The following ATP8A2 variants were observed in gnomAD, a reference collection of about 807,000 sequenced individuals.
The protein encoded by ATP8A2 is ATPase phospholipid transporting 8A2.
In ATP8A2, 100 loss-of-function variants were observed where a neutral mutation model predicts 165.6. The observed-to-expected ratio is 0.60, with a 90% confidence interval of 0.51 to 0.71. ATP8A2 has a LOEUF of 0.71. Ranked by LOEUF, ATP8A2 falls within the 30% of genes least tolerant of loss-of-function variation. The pLI is 0.00. For synonymous variants in ATP8A2, 543 were observed against 548.8 expected (o/e 0.99, Z 0.15); for missense variants, 1,227 against 1,479.5 (o/e 0.83, Z 2.80).
At chr13:25,741,243 G>C (rs2043904206) in intron 25 of ATP8A2, among the ~76,000 whole-genome samples, 1 of 152,200 alleles carries the variant, frequency 6.6e-6, no homozygotes, top group African/African-American at 2.4e-5. Context: ...TAAGTTGGAA[G>C]TCAGATTGTT....
Position 25,468,898 on chromosome 13 carries a change from C to G in ATP8A2, c.77-79C>G, listed in dbSNP as rs539394433. ...CCTTCCCCGCCGGTGGCCGCCCGCC[C>G]GCGGCCCGCGCTCGCAGCCTCCCGC... On this transcript the variant is annotated intron_variant, in intron 1 of 36. Transcript: ENST00000381655. 286 of 1,572,758 alleles carry G rather than the reference C, an allele frequency of 1.8e-4. 3 individuals carry two copies. In the African/African-American group the frequency reaches 3.0e-3, roughly 17 times the overall value.
At position 25,867,486 on chromosome 13, in the gene ATP8A2, G is replaced by A. The variant is rs1355108220; in HGVS notation, c.3183+5078G>A. Among the ~76,000 whole-genome samples the A allele has an allele frequency of 5.3e-5, 8 of 152,264 alleles. No individual in the cohort carries two copies. In the South Asian group the frequency reaches 6.2e-4, roughly 12 times the overall value. ...TGTCTGTGGAGGATGGGAGCTTAAC[G>A]GTAGGAATCCACCCGAGGGTCAGGA... On this transcript the variant is annotated intron_variant, in intron 33 of 36. Transcript: ENST00000381655.
intron 1 of ATP8A2, among the ~76,000 whole-genome samples, chr13:25,428,486 G>A (rs1200917050): frequency 6.6e-6 from 1 of 152,168 alleles, no homozygotes; most frequent in Non-Finnish European, 1.5e-5. Context: ...ATGAACACAT[G>A]AATGGCACTT....
chr13:25,458,959 G>A (rs2035434850), intron 1 of ATP8A2, among the ~76,000 whole-genome samples: 2 of 152,192 alleles, frequency 1.3e-5, no homozygotes, highest in African/African-American at 4.8e-5. Flanking sequence ...GTGAGGCAGA[G>A]CCATCTAGGG....
intron 1 of ATP8A2, among the ~76,000 whole-genome samples, chr13:25,446,515 G>T (rs1398884411): frequency 2.0e-5 from 3 of 151,948 alleles, no homozygotes; most frequent in Non-Finnish European, 2.9e-5. Flanking sequence ...TCTGCCTAGG[G>T]TTCCAAAGCC....
chr13:25,960,058 G>A (rs1188886787), intron 33 of ATP8A2, among the ~76,000 whole-genome samples: 1 of 152,228 alleles, frequency 6.6e-6, no homozygotes, highest in Non-Finnish European at 1.5e-5. Flanking sequence ...GTCATAAAAT[G>A]CCAAGCACCA....
At chr13:25,929,481 T>C (rs921364930) in intron 33 of ATP8A2, among the ~76,000 whole-genome samples, 1 of 152,224 alleles carries the variant, frequency 6.6e-6, no homozygotes, top group African/African-American at 2.4e-5. Context: ...TTTGAGCCAC[T>C]GTTTGCCGAA....
chr13:25,853,328 G>A (rs1004463065), intron 30 of ATP8A2, among the ~76,000 whole-genome samples: 3 of 150,538 alleles, frequency 2.0e-5, no homozygotes, highest in Non-Finnish European at 2.9e-5. Flanking sequence ...GAAGGTGGAG[G>A]CTGCAGTGAG....
At chr13:25,749,299 G>T (rs923929362) in intron 25 of ATP8A2, among the ~76,000 whole-genome samples, 1 of 152,148 alleles carries the variant, frequency 6.6e-6, no homozygotes. Flanking sequence ...GAAGAGAGTG[G>T]AGGAGGGGGA....
At chr13:25,943,402 T>A (rs1228175595) in intron 33 of ATP8A2, among the ~76,000 whole-genome samples, 1 of 152,214 alleles carries the variant, frequency 6.6e-6, no homozygotes, top group Non-Finnish European at 1.5e-5. Flanking sequence ...ATATTTGTAC[T>A]GTACCTTTTA....
At chr13:25,436,624 C>T (rs1338063728) in intron 1 of ATP8A2, among the ~76,000 whole-genome samples, 2 of 152,162 alleles carry the variant, frequency 1.3e-5, no homozygotes, top group African/African-American at 4.8e-5. Flanking sequence ...TATATACTCA[C>T]TAATGGGATT....
At position 25,570,873 on chromosome 13, in the gene ATP8A2, G is replaced by T; in HGVS notation, c.1579+1G>T. The T allele has an allele frequency of 6.2e-7, 1 of 1,609,994 alleles. No homozygotes were observed. Among genetic ancestry groups the T allele is most frequent in the Non-Finnish European group, 8.5e-7 (1 of 1,176,746 alleles). On this transcript the variant is annotated splice_donor_variant, in intron 17 of 36. Coordinates refer to ENST00000381655, the MANE Select transcript of ATP8A2 (RefSeq NM_016529.6). LOFTEE classifies it high-confidence loss of function. Reference sequence around the variant, plus strand: ...ATCATCTACCAGGCCTCTTCCCCAGGTGAGGGCTCTGGCCGGATGCGCCCT... The same window carrying T: ...ATCATCTACCAGGCCTCTTCCCCAGTTGAGGGCTCTGGCCGGATGCGCCCT...
At chr13:25,868,197 T>C in intron 33 of ATP8A2, 1 of 447,596 alleles carries the variant, frequency 2.2e-6, no homozygotes, top group South Asian at 1.6e-5. Context: ...AACTGTTTTA[T>C]TATACTCAAA....
In ATP8A2 at chr13:25,839,634, G is replaced by GT. The variant is rs754633382; in HGVS notation, c.2956+11dup. The GT allele has an allele frequency of 1.2e-6, 2 of 1,611,364 alleles. No individual in the cohort carries two copies. Among genetic ancestry groups the GT allele is most frequent in the South Asian group, 2.2e-5 (2 of 91,022 alleles). On this transcript the variant is annotated intron_variant, in intron 30 of 36. Transcript: ENST00000381655. ...AAAGCTCTGGAGCATGGTAAGGGCTGTGTGATTTCACCTGTCAGCAAGGAG... is the reference window on the plus strand; with the variant it reads ...AAAGCTCTGGAGCATGGTAAGGGCTGTTGTGATTTCACCTGTCAGCAAGGAG...
intron 33 of ATP8A2, among the ~76,000 whole-genome samples, chr13:25,912,498 A>C (rs9553672): frequency 0.1 from 15,211 of 152,166 alleles, 1,285 homozygotes; most frequent in Admixed American, 0.24. Flanking sequence ...TATAGTAAAT[A>C]ATAATGTATC....
At chr13:25,536,316 A>G (rs1440545232) in intron 6 of ATP8A2, among the ~76,000 whole-genome samples, 1 of 150,086 alleles carries the variant, frequency 6.7e-6, no homozygotes, top group Non-Finnish European at 1.5e-5. Flanking sequence ...GGGTTTCACC[A>G]TGTTAGCCAG....
At chr13:25,468,755 G>A in intron 1 of ATP8A2, 2 of 873,450 alleles carry the variant, frequency 2.3e-6, no homozygotes, top group South Asian at 5.2e-5. Flanking sequence ...CAGGGGCCGC[G>A]CGGGGCGTGG....
chr13:25,469,128 G>A lies in ATP8A2; in HGVS notation c.221+7G>A. The A allele has an allele frequency of 6.2e-7, 1 of 1,613,568 alleles. No homozygotes were observed. Among genetic ancestry groups the A allele is most frequent in the Non-Finnish European group, 8.5e-7 (1 of 1,179,650 alleles). Reference sequence around the variant, plus strand: ...TCCGCGACAACCAGATCAGGTAGGAGAAGGCGGCCGGCTCGCGCGGAAGGC... The same window carrying A: ...TCCGCGACAACCAGATCAGGTAGGAAAAGGCGGCCGGCTCGCGCGGAAGGC... On this transcript the variant is annotated splice_region_variant and intron_variant, in intron 2 of 36. Coordinates refer to ENST00000381655, the MANE Select transcript of ATP8A2 (RefSeq NM_016529.6).
intron 29 of ATP8A2, among the ~76,000 whole-genome samples, chr13:25,839,047 T>C (rs1267717283): frequency 6.6e-6 from 1 of 152,186 alleles, no homozygotes; most frequent in African/African-American, 2.4e-5. Flanking sequence ...TTTGAAGTAG[T>C]AAAACAAAAG....
Sources: gnomAD v4.1 joint callset for allele counts (sites outside exome capture counted in the v4.1 genomes callset) on GRCh38, gnomAD v4.1.1 for gene constraint, MANE v1.5 for transcripts, NCBI Gene and HGNC (gene_info 2026-07-23, HGNC 2026-07-21) for gene names.